The following PARD3B variants were observed in gnomAD, a reference collection of about 807,000 sequenced individuals.
PARD3B encodes partitioning defective 3 homolog B.
A neutral mutation model predicts 130.2 loss-of-function variants in PARD3B; 103 were observed. That is an observed-to-expected ratio of 0.79 (90% CI 0.67 to 0.93). The LOEUF is 0.93. Ranked by LOEUF, PARD3B falls within the 40% of genes least tolerant of loss-of-function variation. PARD3B has a pLI of 0.00. For synonymous variants in PARD3B, 583 were observed against 553.2 expected (o/e 1.05, Z -0.76); for missense variants, 1,609 against 1,499.2 (o/e 1.07, Z -1.21).
At chr2:204,695,923 A>G (rs985369817) in intron 2 of PARD3B, among the ~76,000 whole-genome samples, 2 of 152,034 alleles carry the variant, frequency 1.3e-5, no homozygotes, top group African/African-American at 4.8e-5. Context: ...TTTTTCTTTA[A>G]TAAGTGAATG....
At chr2:205,111,496 A>G (rs1703642006) in intron 5 of PARD3B, among the ~76,000 whole-genome samples, 1 of 152,042 alleles carries the variant, frequency 6.6e-6, no homozygotes, top group Admixed American at 6.6e-5. Flanking sequence ...AATGATTACT[A>G]AAGAGTAGGT....
At chr2:204,616,014 T>C (rs2034097898) in intron 1 of PARD3B, among the ~76,000 whole-genome samples, 1 of 152,174 alleles carries the variant, frequency 6.6e-6, no homozygotes, top group South Asian at 2.1e-4. Flanking sequence ...CATGCACAAC[T>C]GTAAAACTCT....
chr2:205,054,431 TATA>T (rs1204041904), intron 4 of PARD3B, among the ~76,000 whole-genome samples: 1,182 of 31,282 alleles, frequency 0.038, 16 homozygotes, highest in Non-Finnish European at 0.051. Flanking sequence ...TATATATATA[TATA>T]TATTTTTTTT....
chr2:205,399,508 C>T (rs984350999), intron 18 of PARD3B, among the ~76,000 whole-genome samples: 20 of 151,662 alleles, frequency 1.3e-4, no homozygotes, highest in African/African-American at 2.4e-4. Context: ...GCATGCACCA[C>T]GACGCCCGGC....
intron 3 of PARD3B, among the ~76,000 whole-genome samples, chr2:204,977,952 T>A (rs1317217323): frequency 6.6e-6 from 1 of 151,810 alleles, no homozygotes; most frequent in Non-Finnish European, 1.5e-5. Context: ...ATCTGCAACC[T>A]ATGGATGGCA....
chr2:204,546,110 CCG>C lies in PARD3B; in HGVS notation c.112_113del (p.Arg38GlyfsTer25), dbSNP rs1308604712. The C allele has an allele frequency of 1.3e-6, 2 of 1,555,372 alleles. No homozygotes were observed. Among genetic ancestry groups the C allele is most frequent in the Non-Finnish European group, 1.7e-6 (2 of 1,149,710 alleles). ...AGGCGCTGCAGCGGTACCTGAAGACCCGGGAGAAGGTGAGCGCGGCGCGGAGG... is the reference window on the plus strand; with the variant it reads ...AGGCGCTGCAGCGGTACCTGAAGACCGGAGAAGGTGAGCGCGGCGCGGAGG... ...QQALQRYLKTREKGPGYWVKI... is the reference protein window; with the variant it reads ...QQALQRYLKTXEKGPGYWVKI... On this transcript the variant is annotated frameshift_variant, in exon 1 of 23. Transcript: ENST00000406610. LOFTEE classifies it high-confidence loss of function.
intron 2 of PARD3B, among the ~76,000 whole-genome samples, chr2:204,728,955 C>T (rs181164482): frequency 1.3e-5 from 2 of 152,246 alleles, no homozygotes; most frequent in Admixed American, 6.5e-5. Context: ...GGACATTACT[C>T]TTAAAGAGAA....
chr2:204,553,667 T>TATATATATTTATATATATCC (rs2030679954), intron 1 of PARD3B, among the ~76,000 whole-genome samples: 1 of 32,324 alleles, frequency 3.1e-5, no homozygotes, highest in Non-Finnish European at 1.1e-4. Flanking sequence ...TATATATATA[T>TATATATATTTATATATATCC]ATATATATAT....
intron 18 of PARD3B, among the ~76,000 whole-genome samples, chr2:205,314,313 G>A (rs919052041): frequency 2.0e-5 from 3 of 152,098 alleles, no homozygotes; most frequent in African/African-American, 4.8e-5. Context: ...GCAGCCTCCC[G>A]AGAGCCTGTG....
At chr2:204,624,228 G>T (rs1399905668) in intron 1 of PARD3B, among the ~76,000 whole-genome samples, 1 of 152,092 alleles carries the variant, frequency 6.6e-6, no homozygotes, top group African/African-American at 2.4e-5. Context: ...TCCAAAGAAG[G>T]ACCTATGAAT....
intron 2 of PARD3B, among the ~76,000 whole-genome samples, chr2:204,915,343 C>T (rs1038094029): frequency 1.3e-5 from 2 of 152,060 alleles, no homozygotes; most frequent in Non-Finnish European, 2.9e-5. Flanking sequence ...CCTAGAGAAG[C>T]CTTCTCCCAA....
intron 15 of PARD3B, among the ~76,000 whole-genome samples, chr2:205,245,183 A>G (rs2039517839): frequency 1.3e-5 from 2 of 152,160 alleles, no homozygotes; most frequent in African/African-American, 4.8e-5. Context: ...GGCTTTCTTC[A>G]GAGAATAAGC....
intron 1 of PARD3B, among the ~76,000 whole-genome samples, chr2:204,635,269 A>G (rs2034835585): frequency 6.6e-6 from 1 of 151,848 alleles, no homozygotes; most frequent in Admixed American, 6.6e-5. Flanking sequence ...TTCTCCTTGG[A>G]GCTTTGGTTT....
chr2:204,615,968 A>G (rs535422517), intron 1 of PARD3B, among the ~76,000 whole-genome samples: 23 of 152,292 alleles, frequency 1.5e-4, no homozygotes, highest in Non-Finnish European at 2.9e-4. Context: ...AACTACAGGT[A>G]TTGACAAAGC....
At chr2:205,063,762 A>G (rs1235524838) in intron 4 of PARD3B, among the ~76,000 whole-genome samples, 1 of 152,208 alleles carries the variant, frequency 6.6e-6, no homozygotes, top group Non-Finnish European at 1.5e-5. Context: ...AATATTTAGG[A>G]AATAAAATGT....
At chr2:205,242,833 G>A (rs573501089) in intron 15 of PARD3B, among the ~76,000 whole-genome samples, 1 of 151,944 alleles carries the variant, frequency 6.6e-6, no homozygotes, top group Non-Finnish European at 1.5e-5. Flanking sequence ...TCTGTGTACT[G>A]TTTTTTCCCC....
At chr2:204,844,424 G>C (rs866705235) in intron 2 of PARD3B, among the ~76,000 whole-genome samples, 3 of 152,158 alleles carry the variant, frequency 2.0e-5, no homozygotes, top group African/African-American at 7.2e-5. Flanking sequence ...TTATTTTTAA[G>C]TTATAATATT....
chr2:205,102,183 G>A (rs1414189889), intron 4 of PARD3B, among the ~76,000 whole-genome samples: 3 of 152,050 alleles, frequency 2.0e-5, no homozygotes, highest in Non-Finnish European at 4.4e-5. Flanking sequence ...CAGAGAAACT[G>A]TGAGAGAGAA....
intron 2 of PARD3B, among the ~76,000 whole-genome samples, chr2:204,771,670 A>T (rs190573994): frequency 1.1e-4 from 16 of 152,256 alleles, no homozygotes; most frequent in South Asian, 8.3e-4. Flanking sequence ...AATCTAAAAT[A>T]AAAATTAAAA....
Sources: allele counts gnomAD v4.1 joint callset (sites outside exome capture counted in the v4.1 genomes callset), GRCh38; gene constraint gnomAD v4.1.1; transcripts MANE v1.5; gene names NCBI Gene and HGNC (gene_info 2026-07-23, HGNC 2026-07-21).